The following COL19A1 variants were observed in gnomAD, a reference collection of about 807,000 sequenced individuals.
The protein encoded by COL19A1 is collagen type XIX alpha 1 chain.
Under a neutral mutation model 190.2 loss-of-function variants are expected in COL19A1, and 159 were observed. The ratio of observed to expected loss-of-function variants is 0.84; its 90% CI spans 0.73 to 0.95. The LOEUF is 0.95. Ranked by LOEUF, COL19A1 falls within the 40% of genes least tolerant of loss-of-function variation. COL19A1 has a pLI of 0.00. For synonymous variants in COL19A1, 509 were observed against 458.9 expected, an observed-to-expected ratio of 1.11 and a Z score of -1.39; for missense variants, 1,418 against 1,431.9, an observed-to-expected ratio of 0.99 and a Z score of 0.16.
chr6:70,181,468 T>C (rs1014599266), intron 44 of COL19A1, among the ~76,000 whole-genome samples: 4 of 152,052 alleles, frequency 2.6e-5, no homozygotes, highest in African/African-American at 9.7e-5. Context: ...CTGCCTCCTC[T>C]TACCTCCTCA....
At chr6:69,938,838 T>C (rs1773277129) in intron 9 of COL19A1, among the ~76,000 whole-genome samples, 2 of 152,148 alleles carry the variant, frequency 1.3e-5, no homozygotes, top group Admixed American at 1.3e-4. Context: ...TCTGACTCTT[T>C]TGAGTATATC....
intron 9 of COL19A1, among the ~76,000 whole-genome samples, chr6:69,953,130 G>GA (rs955369768): frequency 2.3e-4 from 34 of 150,234 alleles, no homozygotes; most frequent in East Asian, 2.1e-3. Flanking sequence ...AAATGAGGAG[G>GA]AAAAAAAAAG....
At chr6:69,900,029 G>A (rs2149972863) in intron 3 of COL19A1, among the ~76,000 whole-genome samples, 1 of 152,002 alleles carries the variant, frequency 6.6e-6, no homozygotes, top group African/African-American at 2.4e-5. Context: ...TTTTTTTCTA[G>A]AAAAATGGCT....
Position 70,172,983 on chromosome 6 carries a change from G to A in COL19A1, c.2622+966G>A, listed in dbSNP as rs1218235666. On this transcript the variant is annotated intron_variant, in intron 41 of 50. Transcript: ENST00000620364. ...TGCCTGGATTTGGATATATTTTGAA[G>A]GTAGCACTGATAGGATTTTCAGATT... Among the ~76,000 whole-genome samples the A allele has an allele frequency of 2.6e-5, 4 of 152,180 alleles. No individual in the cohort carries two copies. In the East Asian group the frequency reaches 7.7e-4, roughly 29 times the overall value.
At chr6:70,048,676 A>G (rs1377375993) in intron 14 of COL19A1, among the ~76,000 whole-genome samples, 1 of 152,122 alleles carries the variant, frequency 6.6e-6, no homozygotes, top group African/African-American at 2.4e-5. Context: ...CTTATGTTGT[A>G]ATTTAAAGTT....
Position 70,121,931 on chromosome 6 carries a change from A to T in COL19A1, c.1330A>T (p.Lys444Ter). 6.3e-7 allele frequency: 1 copy of T among 1,582,908 alleles called. No homozygotes were observed. Residue 444 changes from lysine (K) to a stop codon, truncating the protein, a stop_gained, in exon 17 of 51, where the codon AAG becomes TAG. Coordinates refer to ENST00000620364, the MANE Select transcript of COL19A1 (RefSeq NM_001858.6). LOFTEE classifies it high-confidence loss of function. ...IHQTLGGYYN[K>*]DNKGNDEHEA... Reference sequence around the variant, plus strand: ...CCAAACTCTTGGTGGATATTATAACAAGGATAACAAGGTATGGCTTCTTTT... The same window carrying T: ...CCAAACTCTTGGTGGATATTATAACTAGGATAACAAGGTATGGCTTCTTTT...
chr6:69,923,148 A>G lies in COL19A1; in HGVS notation c.267-4761A>G, dbSNP rs547869866. Among the ~76,000 whole-genome samples, 15 of 152,344 alleles carry G rather than the reference A, an allele frequency of 9.8e-5. No homozygotes were observed. The East Asian group carries it at 2.9e-3, about 29-fold the overall frequency. On this transcript the variant is annotated intron_variant, in intron 4 of 50. Transcript: ENST00000620364. ...TCCTCAAAAAAAGCAATAAGAACACAGGCAAAATTTGTCAAAATCAATATA... is the reference window on the plus strand; with the variant it reads ...TCCTCAAAAAAAGCAATAAGAACACGGGCAAAATTTGTCAAAATCAATATA...
chr6:69,936,926 T>C lies in COL19A1; in HGVS notation c.873+16T>C, dbSNP rs1773150754. On this transcript the variant is annotated intron_variant, in intron 8 of 50. Transcript: ENST00000620364. ...TCCAAACAAGGTATGCTAGTTTTAATTGGTGCACACTGAAAGCCACTCCAG... is the reference window on the plus strand; with the variant it reads ...TCCAAACAAGGTATGCTAGTTTTAACTGGTGCACACTGAAAGCCACTCCAG... 2 of 1,611,812 alleles carry C rather than the reference T, an allele frequency of 1.2e-6. No individual in the cohort carries two copies. The highest frequency in any genetic ancestry group is 1.3e-5 in the African/African-American group (1 of 74,810).
intron 17 of COL19A1, among the ~76,000 whole-genome samples, chr6:70,122,376 C>T (rs186402999): frequency 2.6e-4 from 39 of 149,926 alleles, no homozygotes; most frequent in African/African-American, 9.4e-4. Flanking sequence ...ATGAGAGTCC[C>T]CACCTTTCAT....
intron 46 of COL19A1, among the ~76,000 whole-genome samples, chr6:70,186,076 C>T (rs937765558): frequency 9.2e-5 from 14 of 151,988 alleles, no homozygotes; most frequent in South Asian, 4.1e-4. Flanking sequence ...TTTCACCTAA[C>T]GATATATATT....
intron 2 of COL19A1, among the ~76,000 whole-genome samples, chr6:69,881,157 G>T (rs1461801894): frequency 1.3e-5 from 2 of 152,136 alleles, no homozygotes; most frequent in Non-Finnish European, 1.5e-5. Flanking sequence ...GTGGGATTTG[G>T]TAATTTACAT....
intron 11 of COL19A1, among the ~76,000 whole-genome samples, chr6:70,003,086 C>G (rs776034486): frequency 6.6e-6 from 1 of 151,986 alleles, no homozygotes; most frequent in African/African-American, 2.4e-5. Flanking sequence ...TAAGTTTTCT[C>G]TTTGTTTTTA....
chr6:70,092,636 C>T (rs1031176811), intron 15 of COL19A1, among the ~76,000 whole-genome samples: 2 of 151,998 alleles, frequency 1.3e-5, no homozygotes, highest in Non-Finnish European at 1.5e-5. Flanking sequence ...TTTATAGTTC[C>T]ACCTCACTGA....
At chr6:69,966,986 C>T (rs571685575) in intron 11 of COL19A1, among the ~76,000 whole-genome samples, 2 of 152,230 alleles carry the variant, frequency 1.3e-5, no homozygotes, top group East Asian at 3.9e-4. Flanking sequence ...GTAATTGCTT[C>T]AAATCATGTA....
At chr6:69,987,356 A>G (rs1297467054) in intron 11 of COL19A1, among the ~76,000 whole-genome samples, 1 of 152,198 alleles carries the variant, frequency 6.6e-6, no homozygotes, top group Non-Finnish European at 1.5e-5. Flanking sequence ...CTCATTTTAC[A>G]AGTGCAAACA....
chr6:70,016,416 A>T (rs1778109593), intron 11 of COL19A1, among the ~76,000 whole-genome samples: 1 of 137,798 alleles, frequency 7.3e-6, no homozygotes, highest in Non-Finnish European at 1.5e-5. Flanking sequence ...AACAAAACAA[A>T]GCAAACATGG....
chr6:70,061,809 A>T (rs1364807656), intron 14 of COL19A1, among the ~76,000 whole-genome samples: 2 of 152,096 alleles, frequency 1.3e-5, no homozygotes, highest in Non-Finnish European at 2.9e-5. Context: ...AAGAGAGAAG[A>T]GTTTAATCTA....
chr6:69,962,329 T>G (rs576749011), intron 10 of COL19A1, among the ~76,000 whole-genome samples: 54 of 152,276 alleles, frequency 3.5e-4, no homozygotes, highest in African/African-American at 1.3e-3. Flanking sequence ...AGCACTGGTG[T>G]CGAAGGTAGA....
intron 11 of COL19A1, among the ~76,000 whole-genome samples, chr6:69,998,065 A>G (rs763625731): frequency 1.4e-4 from 21 of 152,318 alleles, no homozygotes; most frequent in Non-Finnish European, 2.8e-4. Context: ...CCTTAGAATG[A>G]CATACTCAAA....
Sources: gnomAD v4.1 joint callset for allele counts (sites outside exome capture counted in the v4.1 genomes callset) on GRCh38, gnomAD v4.1.1 for gene constraint, MANE v1.5 for transcripts, NCBI Gene and HGNC (gene_info 2026-07-23, HGNC 2026-07-21) for gene names.